The following CILK1 variants were observed in gnomAD, a reference collection of about 807,000 sequenced individuals.
CILK1 encodes serine/threonine-protein kinase ICK.
In CILK1, 47 loss-of-function variants were observed where a neutral mutation model predicts 79.2. The ratio of observed to expected loss-of-function variants is 0.59; its 90% CI spans 0.47 to 0.76. The LOEUF (loss-of-function observed/expected upper bound fraction) is 0.76. Ranked by LOEUF, CILK1 falls within the 30% of genes least tolerant of loss-of-function variation. The pLI, the probability that CILK1 is intolerant of heterozygous loss-of-function variation, is 0.00. For missense variants in CILK1, 660 were observed against 769.5 expected (o/e 0.86, Z 1.68); for synonymous variants, 266 against 275.9 (o/e 0.96, Z 0.36).
chr6:53,060,534 C>G (rs1768355393), intron 1 of CILK1, among the ~76,000 whole-genome samples: 1 of 152,206 alleles, frequency 6.6e-6, no homozygotes, highest in Admixed American at 6.5e-5. Flanking sequence ...AATAAAGGAT[C>G]CCAGTACTGC....
chr6:53,037,065 T>A (rs975874827), intron 3 of CILK1, among the ~76,000 whole-genome samples: 1 of 152,178 alleles, frequency 6.6e-6, no homozygotes, highest in Admixed American at 6.5e-5. Flanking sequence ...CTCACTTCCA[T>A]GTACAGGACC....
intron 4 of CILK1, among the ~76,000 whole-genome samples, chr6:53,031,674 G>A (rs998303845): frequency 6.6e-6 from 1 of 152,098 alleles, no homozygotes; most frequent in South Asian, 2.1e-4. Flanking sequence ...CCTGAGTACT[G>A]CAGCAAGAGA....
intron 1 of CILK1, among the ~76,000 whole-genome samples, chr6:53,050,024 A>G (rs1562044651): frequency 6.6e-6 from 1 of 152,152 alleles, no homozygotes; most frequent in Non-Finnish European, 1.5e-5. Flanking sequence ...CCCAGCCTCA[A>G]TTGGAGTTCT....
chr6:53,054,550 G>C (rs763917370), intron 1 of CILK1: 3 of 152,202 alleles, frequency 2.0e-5, no homozygotes, highest in Non-Finnish European at 2.9e-5. Flanking sequence ...TTCTGAAGTG[G>C]AAGAACAGTG....
rs1764432164 is a variant in CILK1 at position 53,009,494 on chromosome 6, A to C, written c.1566T>G (p.Ser522=). The C allele has an allele frequency of 6.2e-7, 1 of 1,613,384 alleles. No homozygotes were observed. The highest frequency in any genetic ancestry group is 8.5e-7 in the Non-Finnish European group (1 of 1,179,352). ...EFIPPNPWSS[S]GLSGKSSGTM... ...TCCCTGAAGATTTTCCAGACAAGCC[A>C]GAACTAGACCATGGATTAGGTGGAA... The change falls in exon 12 of 14, where the codon TCT becomes TCG. Residue 522 remains serine (S), a synonymous_variant. Coordinates refer to ENST00000676107, the MANE Select transcript of CILK1 (RefSeq NM_014920.5).
chr6:53,024,975 G>A (rs528711577), intron 5 of CILK1, among the ~76,000 whole-genome samples: 1 of 151,896 alleles, frequency 6.6e-6, no homozygotes, highest in South Asian at 2.1e-4. Flanking sequence ...TGGGATTACA[G>A]GCCTGCACCA....
chr6:53,029,154 T>G lies in CILK1; in HGVS notation c.358+1911A>C, dbSNP rs573840572. Among the ~76,000 whole-genome samples, 5 of 152,314 alleles carry G rather than the reference T, an allele frequency of 3.3e-5. No homozygotes were observed. The South Asian group carries it at 8.3e-4, about 25-fold the overall frequency. On this transcript the variant is annotated intron_variant, in intron 5 of 13. Transcript: ENST00000676107. ...AATAGCCTGAAAAACTGAGACACTATGACTGGTCTCTATCTGAAAATGTGT... is the reference window on the plus strand; with the variant it reads ...AATAGCCTGAAAAACTGAGACACTAGGACTGGTCTCTATCTGAAAATGTGT...
chr6:53,013,568 C>G (rs1764710617), intron 9 of CILK1, 94 bp downstream of exon 9: 2 of 1,186,706 alleles, frequency 1.7e-6, no homozygotes, highest in African/African-American at 1.5e-5. Flanking sequence ...ATAACTGGAC[C>G]CTGTATACTG....
intron 1 of CILK1, among the ~76,000 whole-genome samples, chr6:53,057,001 C>T (rs1032767924): frequency 6.6e-6 from 1 of 152,176 alleles, no homozygotes; most frequent in Non-Finnish European, 1.5e-5. Context: ...GTATATCTTA[C>T]ATTTTTCTTA....
At position 53,041,187 on chromosome 6, in the gene CILK1, GAA is replaced by G; in HGVS notation, c.48_49del (p.Ser17ArgfsTer8). On this transcript the variant is annotated frameshift_variant, in exon 2 of 14. Transcript: ENST00000676107. LOFTEE classifies it high-confidence loss of function. Reference sequence around the variant, plus strand: ...CTCAATGCTTCTTCCCAGCAGGACGGAACCGTAGGTTCCATCCCCGAGCTGCC... The same window carrying G: ...CTCAATGCTTCTTCCCAGCAGGACGGCCGTAGGTTCCATCCCCGAGCTGCC... The G allele has an allele frequency of 6.2e-7, 1 of 1,614,030 alleles. No individual in the cohort carries two copies. The highest frequency in any genetic ancestry group is 8.5e-7 in the Non-Finnish European group (1 of 1,179,944).
intron 5 of CILK1, among the ~76,000 whole-genome samples, chr6:53,023,915 C>G (rs1458388597): frequency 2.0e-5 from 3 of 152,108 alleles, no homozygotes; most frequent in Admixed American, 6.6e-5. Flanking sequence ...CCAGTAAATA[C>G]AGAAGGGGAT....
chr6:53,050,012 T>C (rs1347938690), intron 1 of CILK1, among the ~76,000 whole-genome samples: 1 of 152,174 alleles, frequency 6.6e-6, no homozygotes, highest in East Asian at 1.9e-4. Context: ...GGAGCCCCTG[T>C]GCCCAGCCTC....
At chr6:53,021,841 C>T (rs1765263704) in intron 5 of CILK1, among the ~76,000 whole-genome samples, 1 of 151,634 alleles carries the variant, frequency 6.6e-6, no homozygotes, top group Non-Finnish European at 1.5e-5. Context: ...GAGGCAGGTC[C>T]TTCAGGAGGT....
At chr6:53,036,910 A>T (rs1453992958) in intron 3 of CILK1, among the ~76,000 whole-genome samples, 2 of 152,086 alleles carry the variant, frequency 1.3e-5, no homozygotes, top group Non-Finnish European at 2.9e-5. Context: ...ATAAATAAAA[A>T]TTTTATGGAA....
At chr6:53,022,872 C>T (rs1765332786) in intron 5 of CILK1, among the ~76,000 whole-genome samples, 1 of 152,090 alleles carries the variant, frequency 6.6e-6, no homozygotes, top group Admixed American at 6.5e-5. Context: ...CTCTTGCCCT[C>T]ATGGACATAA....
intron 1 of CILK1, among the ~76,000 whole-genome samples, chr6:53,058,383 T>C (rs1446664992): frequency 1.3e-5 from 2 of 152,228 alleles, no homozygotes; most frequent in Non-Finnish European, 2.9e-5. Context: ...TAATGCAATT[T>C]GCCCCAGAAA....
At chr6:53,049,976 C>T (rs6906553) in intron 1 of CILK1, among the ~76,000 whole-genome samples, 302 of 152,290 alleles carry the variant, frequency 2.0e-3, no homozygotes, top group African/African-American at 7.0e-3. Context: ...CCACCTCAGC[C>T]TCCCAAAGTG....
rs921138959 is a variant in CILK1, at chr6:53,003,063, A to G, written c.*2086T>C. ...CCTTATAGTAAAGGACTCATCTCTG[A>G]AAACACATGTTCTGATGCTTTAGAT... On this transcript the variant is annotated 3_prime_UTR_variant, in exon 14 of 14. Transcript: ENST00000676107. The G allele has an allele frequency of 1.3e-5, 2 of 152,694 alleles. No individual in the cohort carries two copies. Among genetic ancestry groups the G allele is most frequent in the Non-Finnish European group, 2.9e-5 (2 of 68,052 alleles). 9.5% of individuals were successfully genotyped at this position (152,694 alleles called of 1,614,324 possible). A position where few individuals can be genotyped will look rare whatever the true frequency, so the allele number is the denominator to read the frequency against.
At chr6:53,019,832 GTTTTTTTT>G (rs11308649) in intron 5 of CILK1, among the ~76,000 whole-genome samples, 1 of 140,096 alleles carries the variant, frequency 7.1e-6, no homozygotes, top group Non-Finnish European at 1.6e-5. Flanking sequence ...TAGTTTTTTT[GTTTTTTTT>G]TTTTTTGTTT....
Sources: gnomAD v4.1 joint callset for allele counts (sites outside exome capture counted in the v4.1 genomes callset) on GRCh38, gnomAD v4.1.1 for gene constraint, MANE v1.5 for transcripts, NCBI Gene and HGNC (gene_info 2026-07-23, HGNC 2026-07-21) for gene names.